The following CNTNAP5 variants were observed in gnomAD, a reference collection of about 807,000 sequenced individuals.
CNTNAP5 encodes contactin-associated protein-like 5.
In CNTNAP5, 72 loss-of-function variants were observed where a neutral mutation model predicts 150.2. That is an observed-to-expected ratio of 0.48 (90% CI 0.40 to 0.58). The LOEUF (loss-of-function observed/expected upper bound fraction) is 0.58. Ranked by LOEUF, CNTNAP5 falls within the 20% of genes least tolerant of loss-of-function variation. The pLI, the probability that CNTNAP5 is intolerant of heterozygous loss-of-function variation, is 0.00. For missense variants in CNTNAP5, 1,636 were observed against 1,626.2 expected, an observed-to-expected ratio of 1.01 and a Z score of -0.10; for synonymous variants, 672 against 619.8, an observed-to-expected ratio of 1.08 and a Z score of -1.25.
At chr2:124,876,603 A>G (rs1330114097) in intron 21 of CNTNAP5, among the ~76,000 whole-genome samples, 4 of 151,984 alleles carry the variant, frequency 2.6e-5, no homozygotes, top group Non-Finnish European at 5.9e-5. Flanking sequence ...TTTAATAAAT[A>G]AATGCATGTA....
intron 19 of CNTNAP5, among the ~76,000 whole-genome samples, chr2:124,798,833 T>C (rs979516625): frequency 6.6e-6 from 1 of 152,170 alleles, no homozygotes; most frequent in Non-Finnish European, 1.5e-5. Context: ...AATTTCTTTT[T>C]TTCAGGCTTT....
chr2:124,405,704 G>T (rs1329771014), intron 3 of CNTNAP5, among the ~76,000 whole-genome samples: 1 of 152,194 alleles, frequency 6.6e-6, no homozygotes, highest in African/African-American at 2.4e-5. Flanking sequence ...GTCAAGAAAA[G>T]TACTGATCTG....
chr2:124,877,662 T>C (rs974797941), intron 21 of CNTNAP5, among the ~76,000 whole-genome samples: 1 of 152,172 alleles, frequency 6.6e-6, no homozygotes, highest in East Asian at 1.9e-4. Context: ...TAAAAATTAA[T>C]TCTTTCAAAG....
intron 1 of CNTNAP5, among the ~76,000 whole-genome samples, chr2:124,153,034 T>G (rs1684442422): frequency 6.6e-6 from 1 of 152,192 alleles, no homozygotes; most frequent in African/African-American, 2.4e-5. Context: ...TTAACCAACC[T>G]AAAACTACCC....
intron 22 of CNTNAP5, among the ~76,000 whole-genome samples, chr2:124,907,092 T>C (rs778139773): frequency 1.3e-5 from 2 of 151,980 alleles, no homozygotes; most frequent in Non-Finnish European, 2.9e-5. Context: ...ATGAACAGAG[T>C]TTTGGGTTGT....
At chr2:124,808,957 C>T (rs913333518) in intron 19 of CNTNAP5, among the ~76,000 whole-genome samples, 2 of 151,952 alleles carry the variant, frequency 1.3e-5, no homozygotes, top group Non-Finnish European at 2.9e-5. Flanking sequence ...TGGCCCTGTT[C>T]CCAGAGCTCT....
At chr2:124,569,072 T>C (rs1163936573) in intron 11 of CNTNAP5, among the ~76,000 whole-genome samples, 1 of 151,966 alleles carries the variant, frequency 6.6e-6, no homozygotes, top group African/African-American at 2.4e-5. Flanking sequence ...TATATATATA[T>C]CTTTTTTCTA....
intron 7 of CNTNAP5, among the ~76,000 whole-genome samples, chr2:124,475,489 GT>G (rs1693618877): frequency 6.6e-6 from 1 of 152,044 alleles, no homozygotes; most frequent in African/African-American, 2.4e-5. Context: ...CAATAAACGT[GT>G]TGATGTTTCC....
chr2:124,840,596 A>G (rs1682925529), intron 19 of CNTNAP5, among the ~76,000 whole-genome samples: 2 of 152,102 alleles, frequency 1.3e-5, no homozygotes, highest in African/African-American at 2.4e-5. Flanking sequence ...CAGAGGCAGA[A>G]CATGGAGCCC....
intron 3 of CNTNAP5, among the ~76,000 whole-genome samples, chr2:124,277,951 G>A (rs1687922768): frequency 1.3e-5 from 2 of 152,094 alleles, no homozygotes; most frequent in South Asian, 2.1e-4. Context: ...CCCATCAAGT[G>A]CCCCTGTTCT....
At chr2:124,505,246 A>T (rs1197189718) in intron 8 of CNTNAP5, among the ~76,000 whole-genome samples, 4 of 152,086 alleles carry the variant, frequency 2.6e-5, no homozygotes, top group Non-Finnish European at 5.9e-5. Context: ...GAAGGAAGTT[A>T]CTATTTTACA....
rs1217935737 is a variant in CNTNAP5, at chr2:124,916,330, ACT to A, written c.*2043_*2044del. On this transcript the variant is annotated 3_prime_UTR_variant, in exon 24 of 24. Transcript: ENST00000682447. ...TTAGTAAGATGAAGGATCTTTAAAC[ACT>A]GTTTTCCCCTGCCCTTTCCTCCCTT... Among the ~76,000 whole-genome samples, 1 of 152,100 alleles carries A rather than the reference ACT, an allele frequency of 6.6e-6. No individual in the cohort carries two copies. The highest frequency in any genetic ancestry group is 1.5e-5 in the Non-Finnish European group (1 of 68,004).
chr2:124,328,674 A>C (rs1573919226), intron 3 of CNTNAP5, among the ~76,000 whole-genome samples: 1 of 152,302 alleles, frequency 6.6e-6, no homozygotes, highest in South Asian at 2.1e-4. Context: ...TGGGAGAATA[A>C]GTTTTTTTCT....
At chr2:124,658,512 CT>C (rs1310362948) in intron 13 of CNTNAP5, among the ~76,000 whole-genome samples, 2 of 150,076 alleles carry the variant, frequency 1.3e-5, no homozygotes, top group Non-Finnish European at 3.0e-5. Flanking sequence ...AAAAAAAAGA[CT>C]TTTGTCAGCC....
At chr2:124,620,571 T>A (rs1027699053) in intron 12 of CNTNAP5, among the ~76,000 whole-genome samples, 7 of 152,282 alleles carry the variant, frequency 4.6e-5, no homozygotes, top group Middle Eastern at 3.4e-3. Context: ...TGACCTTGGA[T>A]AAATCATCTA....
intron 3 of CNTNAP5, among the ~76,000 whole-genome samples, chr2:124,306,719 CTTTTTTTTTTT>C (rs762901729): frequency 4.7e-5 from 3 of 64,336 alleles, no homozygotes; most frequent in African/African-American, 6.2e-5. Context: ...CTCTCTCTTT[CTTTTTTTTTTT>C]TTTTTTTTTT....
chr2:124,512,077 T>C (rs1189909671), intron 8 of CNTNAP5, among the ~76,000 whole-genome samples: 1 of 151,962 alleles, frequency 6.6e-6, no homozygotes, highest in Non-Finnish European at 1.5e-5. Context: ...AGCTATTTCC[T>C]GCAGAGAGAA....
intron 3 of CNTNAP5, among the ~76,000 whole-genome samples, chr2:124,353,033 A>T (rs1399600672): frequency 6.6e-6 from 1 of 152,190 alleles, no homozygotes. Context: ...TGGACCCTTG[A>T]CAGGGCCACA....
At chr2:124,794,279 T>C (rs1318922117) in intron 18 of CNTNAP5, among the ~76,000 whole-genome samples, 1 of 152,224 alleles carries the variant, frequency 6.6e-6, no homozygotes, top group Non-Finnish European at 1.5e-5. Context: ...TGTATGACAC[T>C]GGTTGTGTAC....
Sources: gnomAD v4.1 joint callset for allele counts (sites outside exome capture counted in the v4.1 genomes callset) on GRCh38, gnomAD v4.1.1 for gene constraint, MANE v1.5 for transcripts, NCBI Gene and HGNC (gene_info 2026-07-23, HGNC 2026-07-21) for gene names.